DYNC2I1: variants seen among roughly 807,000 people sequenced by gnomAD.
DYNC2I1 encodes the protein dynein 2 intermediate chain 1, also known as cytoplasmic dynein 2 intermediate chain 1.
DYNC2I1 carries 89 observed loss-of-function variants against 133.4 expected under a neutral mutation model. The ratio of observed to expected loss-of-function variants is 0.67; its 90% CI spans 0.56 to 0.80. The LOEUF (loss-of-function observed/expected upper bound fraction) is 0.80, where lower values mean the gene tolerates loss of function less well. Among genes scored for constraint, DYNC2I1 ranks in the 30% least tolerant of loss-of-function variants. The pLI, the probability that DYNC2I1 is intolerant of heterozygous loss-of-function variation, is 0.00. For synonymous variants in DYNC2I1, 504 were observed against 484.3 expected (o/e 1.04, Z -0.54); for missense variants, 1,291 against 1,314.5 (o/e 0.98, Z 0.28).
chr7:158,934,584 CTT>C, intron 23 of DYNC2I1, 35 bp downstream of exon 23: 3 of 1,545,396 alleles, frequency 1.9e-6, no homozygotes, highest in Non-Finnish European at 2.6e-6. Flanking sequence ...TCCAATTCTT[CTT>C]TTTTTGTTTT....
intron 8 of DYNC2I1, among the ~76,000 whole-genome samples, chr7:158,900,370 C>T (rs1846126231): frequency 6.6e-6 from 1 of 152,154 alleles, no homozygotes; most frequent in Admixed American, 6.5e-5. Flanking sequence ...GATCCACCTG[C>T]CTCGGCCTCC....
At chr7:158,852,037 C>A (rs62475637), upstream of DYNC2I1, among the ~76,000 whole-genome samples, 4,809 of 152,240 alleles carry the variant, frequency 0.032, 119 homozygotes, top group Admixed American at 0.059. Flanking sequence ...GATCTGTTTT[C>A]ATGGCCAGTG....
downstream of DYNC2I1, among the ~76,000 whole-genome samples, chr7:158,958,014 G>A (rs908872790): frequency 4.6e-5 from 7 of 151,878 alleles, no homozygotes; most frequent in African/African-American, 1.7e-4. Flanking sequence ...CTCACTATCT[G>A]CCCGTCAGCC....
chr7:158,944,321 TA>T (rs1456229309), intron 24 of DYNC2I1, among the ~76,000 whole-genome samples: 1 of 151,934 alleles, frequency 6.6e-6, no homozygotes, highest in African/African-American at 2.4e-5. Context: ...GAAGGATGTG[TA>T]AAAGAGCTGA....
chr7:158,842,869 G>T, the DYNC2I1 span, among the ~76,000 whole-genome samples: 3 of 152,210 alleles, frequency 2.0e-5, no homozygotes, highest in Non-Finnish European at 2.9e-5. Context: ...ACACCATGTT[G>T]TGTATCTGTA....
intron 8 of DYNC2I1, among the ~76,000 whole-genome samples, chr7:158,894,916 CAT>C (rs1187964320): frequency 4.6e-5 from 7 of 152,168 alleles, no homozygotes; most frequent in Admixed American, 3.9e-4. Context: ...TTCCTGGTGA[CAT>C]GTGATGTGGA....
At chr7:158,936,556 C>T (rs181409993) in intron 23 of DYNC2I1, among the ~76,000 whole-genome samples, 32 of 152,358 alleles carry the variant, frequency 2.1e-4, no homozygotes, top group Non-Finnish European at 4.4e-4. Context: ...GTCCCTGCCT[C>T]AGCCCATGGG....
chr7:158,930,604 C>CT (rs1850124008), intron 21 of DYNC2I1, 89 bp downstream of exon 21: 1 of 1,048,984 alleles, frequency 9.5e-7, no homozygotes, highest in African/African-American at 1.6e-5. Flanking sequence ...AAATGGTGAG[C>CT]TTTTGCGATG....
At chr7:158,933,665 G>A (rs901563990) in intron 21 of DYNC2I1, among the ~76,000 whole-genome samples, 33 of 152,306 alleles carry the variant, frequency 2.2e-4, no homozygotes, top group African/African-American at 6.7e-4. Flanking sequence ...TAAAGTAGAC[G>A]CAAAACCCCC....
chr7:158,900,736 T>TTG (rs1554459697), intron 8 of DYNC2I1, among the ~76,000 whole-genome samples: 2 of 151,396 alleles, frequency 1.3e-5, no homozygotes, highest in Non-Finnish European at 2.9e-5. Flanking sequence ...GTTCTGTTTT[T>TTG]TTTTTTTTTT....
At chr7:158,894,427 G>A (rs1239441445) in intron 8 of DYNC2I1, among the ~76,000 whole-genome samples, 1 of 152,206 alleles carries the variant, frequency 6.6e-6, no homozygotes, top group Non-Finnish European at 1.5e-5. Context: ...CAGATTGTCT[G>A]TAGTTAGAAT....
intron 8 of DYNC2I1, 30 bp downstream of exon 8, chr7:158,891,363 C>T (rs1477685573): frequency 4.3e-6 from 7 of 1,613,490 alleles, no homozygotes; most frequent in Non-Finnish European, 5.9e-6. Flanking sequence ...TTATAGTTTG[C>T]AATCCTGTCC....
At chr7:158,877,886 A>G (rs2129478298) in intron 4 of DYNC2I1, among the ~76,000 whole-genome samples, 1 of 152,376 alleles carries the variant, frequency 6.6e-6, no homozygotes, top group South Asian at 2.1e-4. Context: ...TGTCATACTC[A>G]CCGGAGAAGG....
At chr7:158,845,103 G>A in the DYNC2I1 span, among the ~76,000 whole-genome samples, 1 of 152,028 alleles carries the variant, frequency 6.6e-6, no homozygotes, top group African/African-American at 2.4e-5. Flanking sequence ...TAAATCTGCT[G>A]TTACTTTTCT....
the DYNC2I1 span, among the ~76,000 whole-genome samples, chr7:158,846,058 G>A: frequency 3.3e-5 from 5 of 152,112 alleles, no homozygotes; most frequent in African/African-American, 7.2e-5. Flanking sequence ...CTAGGAGTTC[G>A]AGACTAGCCT....
chr7:158,900,268 A>T (rs1475355645), intron 8 of DYNC2I1, among the ~76,000 whole-genome samples: 3 of 151,780 alleles, frequency 2.0e-5, no homozygotes, highest in Non-Finnish European at 4.4e-5. Context: ...GTTACAGGCA[A>T]GTGCCACCAC....
chr7:158,856,697 G>A lies in DYNC2I1; in HGVS notation c.-39G>A. The A allele has an allele frequency of 8.1e-7, 1 of 1,232,712 alleles. No individual in the cohort carries two copies. The highest frequency in any genetic ancestry group is 3.2e-5 in the East Asian group (1 of 31,600). The allele number at this position is 1,232,712 out of a possible 1,614,324, so 76.4% of individuals were successfully genotyped here. A position where few individuals can be genotyped will look rare whatever the true frequency, so the allele number is the denominator to read the frequency against. On this transcript the variant is annotated 5_prime_UTR_variant, in exon 1 of 25. Transcript: ENST00000407559. Reference sequence around the variant, plus strand: ...TTCGGGGTGGACCGCGCCTGGCCGGGGCCGAGGACACCGCGGCCGCCCGGG... The same window carrying A: ...TTCGGGGTGGACCGCGCCTGGCCGGAGCCGAGGACACCGCGGCCGCCCGGG...
chr7:158,893,433 A>G (rs539682335), intron 8 of DYNC2I1, among the ~76,000 whole-genome samples: 1 of 152,314 alleles, frequency 6.6e-6, no homozygotes, highest in African/African-American at 2.4e-5. Flanking sequence ...AGCCCAGCCT[A>G]CCTTAAATGT....
At chr7:158,877,315 G>A (rs1843454922) in intron 4 of DYNC2I1, among the ~76,000 whole-genome samples, 1 of 152,216 alleles carries the variant, frequency 6.6e-6, no homozygotes, top group Non-Finnish European at 1.5e-5. Context: ...TTGCGGTGCG[G>A]GTGTGTTGGT....
Sources: allele counts gnomAD v4.1 joint callset (sites outside exome capture counted in the v4.1 genomes callset), GRCh38; gene constraint gnomAD v4.1.1; transcripts MANE v1.5; gene names NCBI Gene and HGNC (gene_info 2026-07-23, HGNC 2026-07-21).